The following ALLC variants were observed in gnomAD, a reference collection of about 807,000 sequenced individuals.
The protein encoded by ALLC is allantoicase.
Under a neutral mutation model 45.0 loss-of-function variants are expected in ALLC, and 40 were observed. The ratio of observed to expected loss-of-function variants is 0.89; its 90% CI spans 0.69 to 1.16. The LOEUF (loss-of-function observed/expected upper bound fraction) is 1.16, where lower values mean the gene tolerates loss of function less well. ALLC is among the 50% of genes most tolerant of loss of function. ALLC has a pLI of 0.00. For missense variants in ALLC, 488 were observed against 493.1 expected, an observed-to-expected ratio of 0.99 and a Z score of 0.10; for synonymous variants, 176 against 178.1, an observed-to-expected ratio of 0.99 and a Z score of 0.09.
intron 2 of ALLC, among the ~76,000 whole-genome samples, chr2:3,673,449 C>T (rs1666945336): frequency 6.6e-6 from 1 of 152,254 alleles, no homozygotes; most frequent in South Asian, 2.1e-4. Flanking sequence ...GCTCGTCCTT[C>T]CTGCCTTTCG....
At chr2:3,648,276 G>A in the ALLC span, among the ~76,000 whole-genome samples, 2 of 152,176 alleles carry the variant, frequency 1.3e-5, no homozygotes, top group African/African-American at 2.4e-5. Context: ...TCCCTGACAC[G>A]TCTCCCAGTC....
chr2:3,699,091 G>T (rs979305639), intron 10 of ALLC, among the ~76,000 whole-genome samples: 2 of 152,102 alleles, frequency 1.3e-5, no homozygotes, highest in African/African-American at 4.8e-5. Context: ...GTAAACTTGT[G>T]TCATGGGGTT....
At chr2:3,666,240 G>A (rs909389497) in intron 1 of ALLC, among the ~76,000 whole-genome samples, 5 of 152,228 alleles carry the variant, frequency 3.3e-5, no homozygotes, top group African/African-American at 1.2e-4. Flanking sequence ...ATGCCTGAGC[G>A]CTCTGTACCG....
intron 8 of ALLC, 135 bp downstream of exon 8, chr2:3,696,007 T>G: frequency 9.5e-7 from 1 of 1,049,610 alleles, no homozygotes; most frequent in East Asian, 2.6e-5. Flanking sequence ...ATCTTCCATG[T>G]GTAGGATTTG....
At chr2:3,674,047 A>T in intron 2 of ALLC, 28 bp from the exon 3 acceptor site, 4 of 1,425,972 alleles carry the variant, frequency 2.8e-6, no homozygotes, top group African/African-American at 1.4e-5. Context: ...TGGTTGCTTT[A>T]TCTTTCTTTC....
chr2:3,647,883 G>C, the ALLC span, among the ~76,000 whole-genome samples: 2 of 152,324 alleles, frequency 1.3e-5, no homozygotes, highest in African/African-American at 2.4e-5. Flanking sequence ...CTTGATGTGC[G>C]CCGGTGAGAC....
intron 3 of ALLC, among the ~76,000 whole-genome samples, chr2:3,676,780 TTC>T (rs113394246): frequency 3.3e-5 from 5 of 151,150 alleles, no homozygotes; most frequent in South Asian, 2.1e-4. Context: ...AGTCCTTGGT[TTC>T]TCTCTCTCTC....
intron 3 of ALLC, among the ~76,000 whole-genome samples, chr2:3,675,758 G>T (rs972696662): frequency 2.6e-4 from 39 of 152,144 alleles, no homozygotes; most frequent in Non-Finnish European, 2.4e-4. Flanking sequence ...GCCAGTCCAC[G>T]CCCTCCCTTT....
chr2:3,669,775 A>G (rs2147996912), intron 1 of ALLC, among the ~76,000 whole-genome samples: 1 of 152,296 alleles, frequency 6.6e-6, no homozygotes, highest in Non-Finnish European at 1.5e-5. Context: ...TGGAGCGACC[A>G]GGAGGATGGG....
chr2:3,655,459 G>A (rs753039376), upstream of ALLC, among the ~76,000 whole-genome samples: 1 of 150,452 alleles, frequency 6.6e-6, no homozygotes, highest in Non-Finnish European at 1.5e-5. Context: ...TGACTAGTTT[G>A]TTTGTTTGTT....
chr2:3,675,284 G>A (rs1666993322), intron 3 of ALLC, among the ~76,000 whole-genome samples: 2 of 151,682 alleles, frequency 1.3e-5, no homozygotes, highest in East Asian at 3.9e-4. Context: ...CCGCTACTCA[G>A]AAGGCTGAGC....
chr2:3,656,977 C>T (rs922230349), upstream of ALLC, among the ~76,000 whole-genome samples: 3 of 152,132 alleles, frequency 2.0e-5, no homozygotes, highest in Admixed American at 1.3e-4. Context: ...AGGCGGCGAG[C>T]GGGGGCACTG....
chr2:3,661,376 A>G (rs6707320), intron 1 of ALLC, among the ~76,000 whole-genome samples: 70,435 of 152,118 alleles, frequency 0.46, 20,253 homozygotes, highest in African/African-American at 0.82. Context: ...AGCCTCAAGC[A>G]GGGGTTCAGG....
intron 1 of ALLC, among the ~76,000 whole-genome samples, chr2:3,670,120 A>C (rs1666825751): frequency 6.6e-6 from 1 of 152,162 alleles, no homozygotes; most frequent in South Asian, 2.1e-4. Context: ...ATCACCCTGG[A>C]GGGGCTGTTC....
At chr2:3,682,112 G>GT (rs970965894) in intron 6 of ALLC, among the ~76,000 whole-genome samples, 5 of 152,076 alleles carry the variant, frequency 3.3e-5, no homozygotes, top group African/African-American at 9.7e-5. Context: ...GTACATTCTT[G>GT]TTTTTTTAAT....
chr2:3,698,282 A>G (rs996239092), intron 10 of ALLC, among the ~76,000 whole-genome samples: 2 of 152,022 alleles, frequency 1.3e-5, no homozygotes, highest in East Asian at 1.9e-4. Flanking sequence ...AACTTTAGTA[A>G]CTCCTCTATA....
At chr2:3,687,751 T>G (rs968900292) in intron 7 of ALLC, among the ~76,000 whole-genome samples, 2 of 151,096 alleles carry the variant, frequency 1.3e-5, no homozygotes, top group African/African-American at 4.8e-5. Flanking sequence ...AGTCTCTAAT[T>G]GATCTTTGTA....
chr2:3,678,328 G>C, intron 3 of ALLC, 140 bp from the exon 4 acceptor site: 1 of 643,982 alleles, frequency 1.6e-6, no homozygotes, highest in South Asian at 1.9e-5. Context: ...GGGGCTAGCT[G>C]GGCATGAAGG....
rs530026701 is a variant in ALLC at position 3,697,932 on chromosome 2, T to C, written c.850+476T>C. Among the ~76,000 whole-genome samples, 18 of 151,948 alleles carry C rather than the reference T, an allele frequency of 1.2e-4. 1 individual carries two copies. In the South Asian group the frequency reaches 3.3e-3, roughly 28 times the overall value. On this transcript the variant is annotated intron_variant, in intron 10 of 11. Transcript: ENST00000252505. ...CACCCGTCGCAGCCTCCCAAAGTGC[T>C]GGGATTACAGGCCTGAGCCACTGCG... is the stretch of plus-strand genomic sequence containing the variant.
Sources: allele counts gnomAD v4.1 joint callset (sites outside exome capture counted in the v4.1 genomes callset), GRCh38; gene constraint gnomAD v4.1.1; transcripts MANE v1.5; gene names NCBI Gene and HGNC (gene_info 2026-07-23, HGNC 2026-07-21).